Variants in DAB2IP observed in about 807,000 individuals in gnomAD.
DAB2IP encodes the protein disabled homolog 2-interacting protein.
A neutral mutation model predicts 107.2 loss-of-function variants in DAB2IP; 28 were observed. The ratio of observed to expected loss-of-function variants is 0.26; its 90% CI spans 0.19 to 0.36. The LOEUF is 0.36. DAB2IP is among the 10% of genes least tolerant of loss of function. The pLI is 1.00. For synonymous variants in DAB2IP, 755 were observed against 706.4 expected (o/e 1.07, Z -1.09); for missense variants, 1,400 against 1,644.7 (o/e 0.85, Z 2.57).
rs184413597 is a variant in DAB2IP at position 121,715,481 on chromosome 9, T to G, written c.362+16023T>G. 4.7e-3 allele frequency among the ~76,000 whole-genome samples: 711 copies of G among 151,808 alleles called. 5 individuals are homozygous for G. The highest frequency in any genetic ancestry group is 0.016 in the African/African-American group (674 of 41,348). ...CATTCTTCTGCCTCAGCCTCCCGAGTAGCTGGGACTACAGGCACCTACCAC... is the reference window on the plus strand; with the variant it reads ...CATTCTTCTGCCTCAGCCTCCCGAGGAGCTGGGACTACAGGCACCTACCAC... On this transcript the variant is annotated intron_variant, in intron 3 of 15. Transcript: ENST00000408936.
At chr9:121,668,175 T>A (rs971490539) in intron 1 of DAB2IP, among the ~76,000 whole-genome samples, 1 of 150,044 alleles carries the variant, frequency 6.7e-6, no homozygotes, top group South Asian at 2.1e-4. Flanking sequence ...CCAAACCATA[T>A]CACCATTTGA....
intron 1 of DAB2IP, among the ~76,000 whole-genome samples, chr9:121,638,130 C>A (rs1276523033): frequency 6.6e-6 from 1 of 152,118 alleles, no homozygotes; most frequent in Non-Finnish European, 1.5e-5. Context: ...GCAGTCGGCC[C>A]TCCGAATCTA....
At chr9:121,664,775 C>T (rs1335621286) in intron 1 of DAB2IP, among the ~76,000 whole-genome samples, 1 of 152,214 alleles carries the variant, frequency 6.6e-6, no homozygotes, top group Non-Finnish European at 1.5e-5. Flanking sequence ...GAATAAGCTT[C>T]AGGTTTATAT....
In DAB2IP at chr9:121,635,905, T is replaced by C. The variant is rs916229425; in HGVS notation, c.41-42773T>C. ...ACAGTCCCCTGTTTAGATGTCTTTT[T>C]TGGGGGGGGGTCTGGGGGATGGAGT... On this transcript the variant is annotated intron_variant, in intron 1 of 16. Coordinates refer to the DAB2IP transcript ENST00000259371. The surrounding 1 kb of genome is among the most constrained non-coding windows in gnomAD (Gnocchi z 4.3). Among the ~76,000 whole-genome samples the C allele has an allele frequency of 8.1e-6, 1 of 124,110 alleles. No homozygotes were observed. Among genetic ancestry groups the C allele is most frequent in the Non-Finnish European group, 1.6e-5 (1 of 60,690 alleles). 81.4% of individuals were successfully genotyped at this position (124,110 alleles called of 152,430 possible). A position where few individuals can be genotyped will look rare whatever the true frequency, so the allele number is the denominator to read the frequency against.
intron 8 of DAB2IP, among the ~76,000 whole-genome samples, chr9:121,764,738 C>T (rs1834144166): frequency 6.6e-6 from 1 of 152,226 alleles, no homozygotes; most frequent in African/African-American, 2.4e-5. Flanking sequence ...CTCTCCCCGG[C>T]CTTACCTCAC....
chr9:121,683,963 C>CTT (rs141431545), intron 2 of DAB2IP, among the ~76,000 whole-genome samples: 2,661 of 152,186 alleles, frequency 0.017, 43 homozygotes, highest in Non-Finnish European at 0.025. Flanking sequence ...GGTGGGTGAG[C>CTT]TAAAGCCTTT....
chr9:121,674,110 G>A (rs182833816), intron 1 of DAB2IP, among the ~76,000 whole-genome samples: 37 of 152,390 alleles, frequency 2.4e-4, no homozygotes, highest in Admixed American at 2.1e-3. Flanking sequence ...GGAGGGGAGA[G>A]CGTGGTTGCT....
intron 1 of DAB2IP, among the ~76,000 whole-genome samples, chr9:121,630,070 T>C (rs1409338741): frequency 1.3e-5 from 2 of 152,220 alleles, no homozygotes; most frequent in Admixed American, 6.5e-5. Flanking sequence ...AGCCATTCTA[T>C]GATGTTGCAG....
chr9:121,692,697 G>A (rs968448124), intron 2 of DAB2IP, among the ~76,000 whole-genome samples: 1 of 152,198 alleles, frequency 6.6e-6, no homozygotes, highest in South Asian at 2.1e-4. Context: ...TGGCCACCAG[G>A]AAGTCACCAA....
At chr9:121,713,190 G>T (rs1830420682) in intron 3 of DAB2IP, among the ~76,000 whole-genome samples, 1 of 152,164 alleles carries the variant, frequency 6.6e-6, no homozygotes, top group Non-Finnish European at 1.5e-5. Flanking sequence ...TCACCCAGGG[G>T]CACATAGAGT....
intron 1 of DAB2IP, among the ~76,000 whole-genome samples, chr9:121,627,129 A>G (rs889612797): frequency 1.7e-5 from 1 of 57,244 alleles, no homozygotes; most frequent in Non-Finnish European, 3.9e-5. Flanking sequence ...CAACACACAC[A>G]CACACACACA....
rs1221356701 is a variant in DAB2IP at position 121,639,600 on chromosome 9, T to C, written c.41-39078T>C. ...GGAGCCTGCGGAGGGAGGTGGAAGC[T>C]GGGGGCCTCACTGTGGGTCAGGCAC... On this transcript the variant is annotated intron_variant, in intron 1 of 16. Coordinates refer to the DAB2IP transcript ENST00000259371. Among the ~76,000 whole-genome samples, 11 of 152,230 alleles carry C rather than the reference T, an allele frequency of 7.2e-5. No individual in the cohort carries two copies. In the East Asian group the frequency reaches 1.9e-3, roughly 27 times the overall value.
rs746124818 is a variant in DAB2IP, at chr9:121,772,819, C to G, written c.2291C>G (p.Pro764Arg). The change falls in exon 12 of 16, where the codon CCG becomes CGG. Residue 764 changes from proline to arginine, a missense_variant. Pro to Arg is a moderately radical substitution (Grantham distance 103). This residue lies in a region of DAB2IP where 600 missense variants were observed against 659.1 expected (regional missense o/e 0.91). Coordinates refer to ENST00000408936, the Ensembl canonical transcript of DAB2IP. The surrounding 1 kb of genome is among the most constrained non-coding windows in gnomAD (Gnocchi z 4.7). The stretch of plus-strand genomic sequence containing the variant: ...ACGCTGGATGGGGAGGCAGGCTCCC[C>G]GGCGGGCCCCGACGTCCTCCCCACA... The G allele has an allele frequency of 6.8e-6, 11 of 1,606,552 alleles. No homozygotes were observed. The South Asian group carries it at 1.2e-4, about 18-fold the overall frequency.
chr9:121,620,359 C>T lies in DAB2IP; in HGVS notation c.40+53131C>T, dbSNP rs75847193. ...TGCCAGCCACTGACCGGTCCACAAACGCCGACCATCCCCCTGCTCCACTTG... is the reference window on the plus strand; with the variant it reads ...TGCCAGCCACTGACCGGTCCACAAATGCCGACCATCCCCCTGCTCCACTTG... On this transcript the variant is annotated intron_variant, in intron 1 of 16. Coordinates refer to the DAB2IP transcript ENST00000259371. Among the ~76,000 whole-genome samples, 560 of 152,108 alleles carry T rather than the reference C, an allele frequency of 3.7e-3. 5 individuals carry two copies. Among genetic ancestry groups the T allele is most frequent in the African/African-American group, 0.013 (534 of 41,520 alleles).
intron 3 of DAB2IP, among the ~76,000 whole-genome samples, chr9:121,739,914 C>T (rs1832211903): frequency 6.6e-6 from 1 of 152,124 alleles, no homozygotes; most frequent in Non-Finnish European, 1.5e-5. Context: ...AGGTGAGGTG[C>T]TAGCAGCCTG....
intron 1 of DAB2IP, among the ~76,000 whole-genome samples, chr9:121,606,724 T>TG (rs1427567274): frequency 2.6e-5 from 4 of 151,750 alleles, no homozygotes; most frequent in Non-Finnish European, 4.4e-5. Context: ...ACTCAGGCAG[T>TG]GGGGGGTGAG....
intron 2 of DAB2IP, among the ~76,000 whole-genome samples, chr9:121,689,957 G>A (rs2118680740): frequency 6.6e-6 from 1 of 152,370 alleles, no homozygotes; most frequent in East Asian, 1.9e-4. Context: ...CCTGTCTGCT[G>A]TGTTGAACCC....
intron 3 of DAB2IP, among the ~76,000 whole-genome samples, chr9:121,754,866 G>A (rs902749241): frequency 6.6e-6 from 1 of 152,088 alleles, no homozygotes; most frequent in Non-Finnish European, 1.5e-5. Flanking sequence ...GGCAGGAGGC[G>A]GCCTCAGCTC....
intron 2 of DAB2IP, among the ~76,000 whole-genome samples, chr9:121,696,756 A>T (rs149791804): frequency 0.011 from 1,688 of 152,288 alleles, 28 homozygotes; most frequent in African/African-American, 0.038. Context: ...GCTTTCCAAG[A>T]TGATGAGTAT....
Sources: allele counts gnomAD v4.1 joint callset (sites outside exome capture counted in the v4.1 genomes callset), GRCh38; gene constraint gnomAD v4.1.1; regional missense constraint gnomAD v4.1.1; non-coding constraint Gnocchi (gnomAD v3.1); transcripts MANE v1.5; gene names NCBI Gene and HGNC (gene_info 2026-07-23, HGNC 2026-07-21).